The following MEIKIN variants were observed in gnomAD, a reference collection of about 807,000 sequenced individuals.
The protein encoded by MEIKIN is meiosis-specific kinetochore protein.
At chr5:131,841,029 T>A (rs903673436) in intron 11 of MEIKIN, among the ~76,000 whole-genome samples, 2 of 152,168 alleles carry the variant, frequency 1.3e-5, no homozygotes, top group Non-Finnish European at 2.9e-5. Context: ...TTTTTCTTTA[T>A]CTTATTTGAT....
intron 8 of MEIKIN, among the ~76,000 whole-genome samples, chr5:131,885,140 CT>C (rs775092397): frequency 6.6e-6 from 1 of 152,152 alleles, no homozygotes; most frequent in Non-Finnish European, 1.5e-5. Context: ...GCTTAGTTGG[CT>C]TCATCACCTG....
At chr5:131,888,161 A>G (rs1750836339) in intron 8 of MEIKIN, among the ~76,000 whole-genome samples, 1 of 148,230 alleles carries the variant, frequency 6.7e-6, no homozygotes, top group African/African-American at 2.6e-5. Context: ...ATAGTGCCTC[A>G]ATAAACATAC....
chr5:131,945,532 C>CG lies in MEIKIN; in HGVS notation c.-28dup, dbSNP rs1201156289. ...GCTATCCCACCCTACCCCCAGGCCA[C>CG]GGGTGCCTCTGGACTCTCGATGGCC... On this transcript the variant is annotated 5_prime_UTR_variant, in exon 1 of 13. Transcript: ENST00000442687. 2 of 399,970 alleles carry CG rather than the reference C, an allele frequency of 5.0e-6. No homozygotes were observed. Among genetic ancestry groups the CG allele is most frequent in the Non-Finnish European group, 8.8e-6 (2 of 226,170 alleles). 24.8% of individuals were successfully genotyped at this position (399,970 alleles called of 1,614,324 possible).
At chr5:131,836,032 T>C (rs750301803) in intron 11 of MEIKIN, among the ~76,000 whole-genome samples, 1 of 152,196 alleles carries the variant, frequency 6.6e-6, no homozygotes, top group Non-Finnish European at 1.5e-5. Flanking sequence ...TTATTTTTCC[T>C]GATCCTCTCC....
intron 4 of MEIKIN, among the ~76,000 whole-genome samples, chr5:131,940,682 C>T (rs1208411767): frequency 6.6e-6 from 1 of 152,004 alleles, no homozygotes; most frequent in Non-Finnish European, 1.5e-5. Context: ...AGTGATGAGA[C>T]ATTCTGGGAA....
intron 9 of MEIKIN, among the ~76,000 whole-genome samples, chr5:131,862,172 A>G (rs1750297456): frequency 6.6e-6 from 1 of 152,068 alleles, no homozygotes; most frequent in African/African-American, 2.4e-5. Context: ...TCCTCATTCA[A>G]TCTTGGTAGG....
At chr5:131,887,605 T>C (rs549835156) in intron 8 of MEIKIN, among the ~76,000 whole-genome samples, 1 of 152,224 alleles carries the variant, frequency 6.6e-6, no homozygotes, top group Non-Finnish European at 1.5e-5. Context: ...GAGCATTATT[T>C]CATGTGTCTG....
chr5:131,828,248 C>A (rs538956786), intron 11 of MEIKIN, among the ~76,000 whole-genome samples: 1 of 152,082 alleles, frequency 6.6e-6, no homozygotes, highest in Non-Finnish European at 1.5e-5. Context: ...CAATCTCTGC[C>A]CCTCTCCGGG....
chr5:131,844,675 C>T (rs1216746575), intron 11 of MEIKIN, among the ~76,000 whole-genome samples: 4 of 152,168 alleles, frequency 2.6e-5, no homozygotes, highest in Admixed American at 6.5e-5. Flanking sequence ...AAAGAACTAT[C>T]TGAAAAGATT....
intron 11 of MEIKIN, among the ~76,000 whole-genome samples, chr5:131,838,929 T>C (rs1426033875): frequency 2.6e-5 from 4 of 152,162 alleles, no homozygotes; most frequent in Admixed American, 2.6e-4. Context: ...TGTCTAGTTC[T>C]TTTACTTGTG....
Position 131,928,021 on chromosome 5 carries a change from G to A in MEIKIN, c.478+5492C>T, listed in dbSNP as rs972113932. Among the ~76,000 whole-genome samples, 45 of 151,732 alleles carry A rather than the reference G, an allele frequency of 3.0e-4. 2 individuals carry two copies. The highest frequency in any genetic ancestry group is 2.9e-5 in the Non-Finnish European group (2 of 67,992). ...TAGCCGGGCACGGTGGCGCGCGCCT[G>A]TAGTCCCAGCTACACGGGAGGCTGA... is the stretch of plus-strand genomic sequence containing the variant. On this transcript the variant is annotated intron_variant, in intron 5 of 12. Coordinates refer to ENST00000442687, the MANE Select transcript of MEIKIN (RefSeq NM_001303622.2).
intron 11 of MEIKIN, among the ~76,000 whole-genome samples, chr5:131,831,898 C>T (rs554847756): frequency 2.0e-5 from 3 of 152,148 alleles, no homozygotes; most frequent in African/African-American, 4.8e-5. Flanking sequence ...GAAAGACTGG[C>T]CCCCATGATT....
chr5:131,845,236 C>T (rs927678492), intron 11 of MEIKIN, among the ~76,000 whole-genome samples: 5 of 134,996 alleles, frequency 3.7e-5, no homozygotes, highest in Non-Finnish European at 7.6e-5. Flanking sequence ...CACCACTGCA[C>T]TCCAGCCTGG....
chr5:131,811,340 CT>C (rs1434010116), intron 12 of MEIKIN, among the ~76,000 whole-genome samples: 1 of 149,722 alleles, frequency 6.7e-6, no homozygotes, highest in Non-Finnish European at 1.5e-5. Flanking sequence ...TAAACTTTTT[CT>C]TTTCTTTTTT....
At position 131,923,799 on chromosome 5, in the gene MEIKIN, G is replaced by C. The variant is rs1010158159; in HGVS notation, c.479-1858C>G. 6.6e-5 allele frequency among the ~76,000 whole-genome samples: 10 copies of C among 151,232 alleles called. No individual in the cohort carries two copies. The South Asian group carries it at 2.1e-3, about 32-fold the overall frequency. On this transcript the variant is annotated intron_variant, in intron 5 of 12. Coordinates refer to ENST00000442687, the MANE Select transcript of MEIKIN (RefSeq NM_001303622.2). ...TTTCAAGATTTTTTTAATTTTAAAA[G>C]TTTAAACATTTTAATATTTAAAATT...
intron 8 of MEIKIN, among the ~76,000 whole-genome samples, chr5:131,886,527 A>G (rs1330489423): frequency 6.6e-6 from 1 of 152,214 alleles, no homozygotes; most frequent in African/African-American, 2.4e-5. Context: ...GAAGGAAAAC[A>G]ACTTTTACTC....
At chr5:131,920,651 CACA>C (rs958259427) in intron 6 of MEIKIN, among the ~76,000 whole-genome samples, 3 of 151,872 alleles carry the variant, frequency 2.0e-5, no homozygotes, top group South Asian at 2.1e-4. Flanking sequence ...ACTGCAAAGG[CACA>C]ACATCATTTC....
chr5:131,816,236 C>A (rs75594983), intron 12 of MEIKIN, among the ~76,000 whole-genome samples: 1 of 152,082 alleles, frequency 6.6e-6, no homozygotes, highest in African/African-American at 2.4e-5. Flanking sequence ...ATAAGGAATG[C>A]GCTGTGATGG....
At chr5:131,824,088 C>T (rs578066810) in intron 11 of MEIKIN, among the ~76,000 whole-genome samples, 2 of 152,318 alleles carry the variant, frequency 1.3e-5, no homozygotes, top group African/African-American at 4.8e-5. Flanking sequence ...GTGACCACCA[C>T]CAATGGGACT....
Sources: gnomAD v4.1 joint callset for allele counts (sites outside exome capture counted in the v4.1 genomes callset) on GRCh38, gnomAD v4.1.1 for gene constraint, MANE v1.5 for transcripts, NCBI Gene and HGNC (gene_info 2026-07-23, HGNC 2026-07-21) for gene names.